The following REEP3 variants were observed in gnomAD, a reference collection of about 807,000 sequenced individuals.
REEP3 encodes the protein receptor expression-enhancing protein 3.
REEP3 carries 20 observed loss-of-function variants against 41.3 expected under a neutral mutation model. The ratio of observed to expected loss-of-function variants is 0.48; its 90% confidence interval spans 0.34 to 0.70. The LOEUF is 0.70. Ranked by LOEUF, REEP3 falls within the 30% of genes least tolerant of loss-of-function variation. REEP3 has a pLI of 0.01. For synonymous variants in REEP3, 104 were observed against 101.8 expected, an observed-to-expected ratio of 1.02 and a Z score of -0.13; for missense variants, 271 against 308.8, an observed-to-expected ratio of 0.88 and a Z score of 0.92.
chr10:63,572,848 A>G (rs1467121202), intron 2 of REEP3, among the ~76,000 whole-genome samples: 1 of 152,338 alleles, frequency 6.6e-6, no homozygotes, highest in East Asian at 1.9e-4. Flanking sequence ...TGAATAAATA[A>G]ATGAGAAAAG....
intron 2 of REEP3, among the ~76,000 whole-genome samples, chr10:63,590,851 A>G (rs985926403): frequency 2.8e-4 from 42 of 152,204 alleles, no homozygotes; most frequent in Non-Finnish European, 2.9e-5. Context: ...CCCCGATAAT[A>G]TATTTCTATC....
chr10:63,582,574 G>A (rs1055030064), intron 2 of REEP3, among the ~76,000 whole-genome samples: 1 of 152,114 alleles, frequency 6.6e-6, no homozygotes, highest in African/African-American at 2.4e-5. Context: ...TTAACAACTT[G>A]GAATATATTA....
intron 1 of REEP3, among the ~76,000 whole-genome samples, chr10:63,563,903 C>A (rs1480736579): frequency 6.6e-6 from 1 of 152,032 alleles, no homozygotes; most frequent in Non-Finnish European, 1.5e-5. Flanking sequence ...AATAGAGAAG[C>A]ATCGTACAAC....
chr10:63,602,461 TTTTCATA>T (rs1956181560), intron 5 of REEP3, among the ~76,000 whole-genome samples: 1 of 152,182 alleles, frequency 6.6e-6, no homozygotes, highest in Non-Finnish European at 1.5e-5. Flanking sequence ...CTATCTGAAT[TTTTCATA>T]TTTAAAAGCA....
rs1399109348 is a variant in REEP3 at position 63,532,797 on chromosome 10, CAGAAGGCTG to C, written c.32+11223_32+11231del. On this transcript the variant is annotated intron_variant, in intron 1 of 7. Transcript: ENST00000373758. The stretch of plus-strand genomic sequence containing the variant: ...CCTGCAGTCCCAGCTACTCAGTACT[CAGAAGGCTG>C]AGGTGGAAGGATCCCTTGAGCCCAG... Among the ~76,000 whole-genome samples, 4 of 152,062 alleles carry C rather than the reference CAGAAGGCTG, an allele frequency of 2.6e-5. No individual in the cohort carries two copies. In the East Asian group the frequency reaches 5.8e-4, roughly 22 times the overall value.
intron 5 of REEP3, 58 bp downstream of exon 5, chr10:63,599,341 GCTT>G (rs779706687): frequency 1.4e-6 from 1 of 716,564 alleles, no homozygotes; most frequent in Non-Finnish European, 2.2e-6. Flanking sequence ...AATAAAGGTG[GCTT>G]CTTATTTCAA....
chr10:63,608,262 TTAAA>T (rs1956246703), intron 5 of REEP3, among the ~76,000 whole-genome samples: 1 of 152,240 alleles, frequency 6.6e-6, no homozygotes, highest in African/African-American at 2.4e-5. Context: ...CAAATGTTTT[TTAAA>T]TGTGTGAAAT....
rs1309327437 is a variant in REEP3 at position 63,625,042 on chromosome 10, G to T, written c.*4173G>T. On this transcript the variant is annotated 3_prime_UTR_variant, in exon 8 of 8. Transcript: ENST00000373758. ...GGTCTTTCTAGATAGCATTTTAAAT[G>T]GAATTATTTTCATTTTCATTATGAG... 2 of 152,084 alleles carry T rather than the reference G, an allele frequency of 1.3e-5. No homozygotes were observed. Among genetic ancestry groups the T allele is most frequent in the Non-Finnish European group, 1.5e-5 (1 of 67,936 alleles). 9.4% of individuals were successfully genotyped at this position (152,084 alleles called of 1,614,324 possible). A position where few individuals can be genotyped will look rare whatever the true frequency, so the allele number is the denominator to read the frequency against.
chr10:63,539,138 G>C (rs1191004700), intron 1 of REEP3, among the ~76,000 whole-genome samples: 1 of 151,966 alleles, frequency 6.6e-6, no homozygotes, highest in Non-Finnish European at 1.5e-5. Flanking sequence ...CCAACTTTAG[G>C]TTAAATAACA....
chr10:63,577,920 T>G (rs1417769116), intron 2 of REEP3, among the ~76,000 whole-genome samples: 1 of 152,130 alleles, frequency 6.6e-6, no homozygotes, highest in Non-Finnish European at 1.5e-5. Context: ...TCTTCTATAT[T>G]CTTCTGAGCT....
At chr10:63,562,189 C>T (rs1342813456) in intron 1 of REEP3, among the ~76,000 whole-genome samples, 8 of 151,424 alleles carry the variant, frequency 5.3e-5, no homozygotes, top group Non-Finnish European at 7.4e-5. Flanking sequence ...AATCCTGTAT[C>T]CAGAGCCTGG....
chr10:63,566,358 A>G lies in REEP3; in HGVS notation c.53A>G (p.Tyr18Cys). ...TTTAGGCTGGTGTTTGGAATGCTTT[A>G]TCCTGCATATTATTCATACAAAGCT... ...RAVVLVFGMLYPAYYSYKAVK... is the reference protein window; with the variant it reads ...RAVVLVFGMLCPAYYSYKAVK... Residue 18 changes from tyrosine (Y) to cysteine (C), a missense_variant, in exon 2 of 8, where the codon TAT (tyrosine) becomes TGT (cysteine). By Grantham distance (194) the Tyr-to-Cys change is radical. Transcript: ENST00000373758. 3.2e-6 allele frequency: 5 copies of G among 1,552,300 alleles called. No individual in the cohort carries two copies. The highest frequency in any genetic ancestry group is 1.7e-4 in the Middle Eastern group (1 of 5,952).
At chr10:63,578,481 G>C (rs1038777048) in intron 2 of REEP3, among the ~76,000 whole-genome samples, 2 of 152,018 alleles carry the variant, frequency 1.3e-5, no homozygotes, top group African/African-American at 4.8e-5. Context: ...TAGATTTAAA[G>C]TAATATATGG....
chr10:63,607,062 T>C (rs1001467491), intron 5 of REEP3, among the ~76,000 whole-genome samples: 55 of 152,226 alleles, frequency 3.6e-4, no homozygotes, highest in African/African-American at 1.3e-3. Context: ...AGGAATAAGG[T>C]AGTCTTCAGA....
At chr10:63,609,278 C>T (rs573877021) in intron 5 of REEP3, among the ~76,000 whole-genome samples, 1 of 151,606 alleles carries the variant, frequency 6.6e-6, no homozygotes, top group East Asian at 2.0e-4. Flanking sequence ...CAGTGAAACC[C>T]CATCTCTACT....
Position 63,521,489 on chromosome 10 carries a change from G to C in REEP3, c.-57G>C. On this transcript the variant is annotated 5_prime_UTR_variant, in exon 1 of 8. Coordinates refer to ENST00000373758, the MANE Select transcript of REEP3 (RefSeq NM_001001330.3). ...GCGCGCGGCCTGCCGTTGGCGGCCT[G>C]GTCCGCAGCGCCCTGCGCCCACCCG... is the stretch of plus-strand genomic sequence containing the variant. The C allele has an allele frequency of 1.6e-6, 2 of 1,267,800 alleles. No individual in the cohort carries two copies. The highest frequency in any genetic ancestry group is 2.0e-5 in the South Asian group (1 of 49,586). The allele number at this position is 1,267,800 out of a possible 1,614,324, so 78.5% of individuals were successfully genotyped here.
intron 1 of REEP3, among the ~76,000 whole-genome samples, chr10:63,545,352 C>T (rs1955566756): frequency 6.6e-6 from 1 of 152,100 alleles, no homozygotes; most frequent in South Asian, 2.1e-4. Flanking sequence ...CATCCTACAG[C>T]GTTATAGAAC....
intron 1 of REEP3, among the ~76,000 whole-genome samples, chr10:63,562,320 C>T (rs928460326): frequency 1.8e-4 from 28 of 151,400 alleles, no homozygotes; most frequent in African/African-American, 6.3e-4. Context: ...GCCAGTGGCA[C>T]GATCTCGGCT....
intron 2 of REEP3, among the ~76,000 whole-genome samples, chr10:63,590,800 A>G (rs1956054929): frequency 1.3e-5 from 2 of 152,212 alleles, no homozygotes; most frequent in African/African-American, 4.8e-5. Flanking sequence ...GATTTTACCA[A>G]TTGTTTCCGA....
Sources: allele counts gnomAD v4.1 joint callset (sites outside exome capture counted in the v4.1 genomes callset), GRCh38; gene constraint gnomAD v4.1.1; transcripts MANE v1.5; gene names NCBI Gene and HGNC (gene_info 2026-07-23, HGNC 2026-07-21).